PCDH7: variants seen among roughly 807,000 people sequenced by gnomAD.
The protein encoded by PCDH7 is protocadherin 7.
In PCDH7, 17 loss-of-function variants were observed where a neutral mutation model predicts 58.9. That is an observed-to-expected ratio of 0.29 (90% CI 0.20 to 0.43). The LOEUF (loss-of-function observed/expected upper bound fraction) is 0.43, where lower values mean the gene tolerates loss of function less well. Among genes scored for constraint, PCDH7 ranks in the 20% least tolerant of loss-of-function variants. PCDH7 has a pLI of 1.00. For synonymous variants in PCDH7, 664 were observed against 616.4 expected, an observed-to-expected ratio of 1.08 and a Z score of -1.14; for missense variants, 1,274 against 1,441.0, an observed-to-expected ratio of 0.88 and a Z score of 1.88.
intron 1 of PCDH7, among the ~76,000 whole-genome samples, chr4:30,756,057 G>C (rs1361373691): frequency 1.3e-5 from 2 of 152,066 alleles, no homozygotes; most frequent in African/African-American, 4.8e-5. Context: ...CCAGCCTGGT[G>C]ACAGAGTGAG....
chr4:30,882,217 ACTC>A (rs147271843), intron 1 of PCDH7, among the ~76,000 whole-genome samples: 33 of 115,472 alleles, frequency 2.9e-4, no homozygotes, highest in Admixed American at 9.8e-4. Context: ...CTTCCTTTTA[ACTC>A]CTCCTCCTCC....
intron 3 of PCDH7, among the ~76,000 whole-genome samples, chr4:31,075,192 C>A (rs1758885688): frequency 6.6e-6 from 1 of 152,022 alleles, no homozygotes; most frequent in South Asian, 2.1e-4. Context: ...TTTTGATTTA[C>A]TTATCTCTGT....
At chr4:31,015,564 A>T (rs147518504) in intron 3 of PCDH7, among the ~76,000 whole-genome samples, 61 of 152,268 alleles carry the variant, frequency 4.0e-4, no homozygotes, top group African/African-American at 1.4e-3. Flanking sequence ...GGCCCAGTAC[A>T]AATTCCAACT....
chr4:30,722,573 C>A lies in PCDH7; in HGVS notation c.1151C>A (p.Thr384Lys). 6.2e-7 allele frequency: 1 copy of A among 1,612,908 alleles called. No individual in the cohort carries two copies. Among genetic ancestry groups the A allele is most frequent in the Non-Finnish European group, 8.5e-7 (1 of 1,180,024 alleles). ...GAGGAGGTGAACCAGCTGCGCTTCA[C>A]GGTCATGGCCCGCGACCGCGGGCAG... Residue 384 changes from threonine to lysine, a missense_variant, in exon 1 of 2, where the codon ACG becomes AAG. This residue lies in a region of PCDH7 where 731 missense variants were observed against 881.9 expected (regional missense o/e 0.83). Transcript: ENST00000361762. This position sits in a 1 kb window ranked among gnomAD's most constrained non-coding sequence, Gnocchi z 7.6.
intron 3 of PCDH7, among the ~76,000 whole-genome samples, chr4:31,066,755 C>A (rs1333444722): frequency 6.6e-6 from 1 of 151,800 alleles, no homozygotes; most frequent in Non-Finnish European, 1.5e-5. Context: ...TGGAGAGTAC[C>A]ATCTGTGGTA....
At chr4:30,980,066 C>T (rs1294309713) in intron 3 of PCDH7, among the ~76,000 whole-genome samples, 2 of 152,084 alleles carry the variant, frequency 1.3e-5, no homozygotes, top group Non-Finnish European at 2.9e-5. Flanking sequence ...AGACTAGCAA[C>T]GTTAACAGTT....
intron 1 of PCDH7, among the ~76,000 whole-genome samples, chr4:30,785,738 T>C (rs1164912818): frequency 6.6e-6 from 1 of 152,070 alleles, no homozygotes; most frequent in African/African-American, 2.4e-5. Flanking sequence ...TAACTTTGAC[T>C]CTAGTGTGCT....
At chr4:31,074,465 A>G (rs1217604889) in intron 3 of PCDH7, among the ~76,000 whole-genome samples, 1 of 151,936 alleles carries the variant, frequency 6.6e-6, no homozygotes, top group African/African-American at 2.4e-5. Context: ...TCCCCTCTAC[A>G]TTATGCAAAG....
rs189760073 is a variant in PCDH7, at chr4:31,073,627, C to T, written c.*8-68846C>T. Among the ~76,000 whole-genome samples, 762 of 152,242 alleles carry T rather than the reference C, an allele frequency of 5.0e-3. 8 individuals are homozygous for T. Among genetic ancestry groups the T allele is most frequent in the African/African-American group, 0.017 (720 of 41,548 alleles). On this transcript the variant is annotated intron_variant, in intron 3 of 3. Transcript: ENST00000509759. ...ATAATATCAAAAGAAGCATATATGTCATATATAATAGTAGTTCCTCTGGCC... is the reference window on the plus strand; with the variant it reads ...ATAATATCAAAAGAAGCATATATGTTATATATAATAGTAGTTCCTCTGGCC...
chr4:30,721,473 C>T lies in PCDH7; in HGVS notation c.51C>T (p.Cys17=). The stretch of plus-strand genomic sequence containing the variant: ...GGGCGCGCGGCTGGTGCTTGGGCTG[C>T]TGCCTCCTCCTGCCGCTCTCGCTCA... The change falls in exon 1 of 2, where the codon TGC becomes TGT. Residue 17 remains cysteine (C), a synonymous_variant. Transcript: ENST00000361762. This position sits in a 1 kb window ranked among gnomAD's most constrained non-coding sequence, Gnocchi z 6.7. 6.3e-7 allele frequency: 1 copy of T among 1,579,282 alleles called. No homozygotes were observed. The highest frequency in any genetic ancestry group is 8.6e-7 in the Non-Finnish European group (1 of 1,168,416).
intron 1 of PCDH7, among the ~76,000 whole-genome samples, chr4:30,881,301 G>A (rs142580638): frequency 1.3e-5 from 2 of 151,900 alleles, no homozygotes; most frequent in Admixed American, 1.3e-4. Context: ...AGCTGAGATT[G>A]CATCGCTGTA....
At chr4:30,863,970 T>C (rs905326289) in intron 1 of PCDH7, among the ~76,000 whole-genome samples, 4 of 152,136 alleles carry the variant, frequency 2.6e-5, no homozygotes, top group Non-Finnish European at 5.9e-5. Context: ...TGATAGGTTA[T>C]TCACAAAATA....
chr4:30,843,311 C>T (rs1313647948), intron 1 of PCDH7, among the ~76,000 whole-genome samples: 2 of 152,086 alleles, frequency 1.3e-5, no homozygotes, highest in African/African-American at 4.8e-5. Flanking sequence ...AAGTGATTCT[C>T]CTGCCTCTGC....
In PCDH7 at chr4:30,721,750, C is replaced by G. The variant is rs773900246; in HGVS notation, c.328C>G (p.Leu110Val). The change falls in exon 1 of 2, where the codon CTG (leucine) becomes GTG (valine). Residue 110 changes from leucine to valine, a missense_variant. Physicochemically the swap from Leu to Val is conservative, Grantham distance 32. Coordinates refer to ENST00000361762, the Ensembl canonical transcript of PCDH7. The surrounding 1 kb of genome is among the most constrained non-coding windows in gnomAD (Gnocchi z 6.7). ...GATCTTCGACGAGAACGAGTGCTTC[C>G]TGGACTTCGAGGTGTCGGTGATCGG... The G allele has an allele frequency of 1.2e-6, 2 of 1,613,934 alleles. No homozygotes were observed. The highest frequency in any genetic ancestry group is 1.7e-5 in the Admixed American group (1 of 60,022).
chr4:30,724,792 A>C (rs1560302874), intron 1 of PCDH7, 196 bp downstream of exon 1: 1 of 1,408,228 alleles, frequency 7.1e-7, no homozygotes. Context: ...TTTGCAAATT[A>C]GAATTAAGGT....
chr4:30,734,159 A>G (rs756833930), downstream of PCDH7, among the ~76,000 whole-genome samples: 7 of 152,008 alleles, frequency 4.6e-5, no homozygotes, highest in Non-Finnish European at 8.8e-5. Flanking sequence ...TCTATCTGCA[A>G]CTTTGCAAAA....
intron 2 of PCDH7, among the ~76,000 whole-genome samples, chr4:30,942,784 C>T (rs1239049289): frequency 2.0e-5 from 3 of 151,818 alleles, no homozygotes; most frequent in African/African-American, 4.8e-5. Flanking sequence ...CATTAATTTA[C>T]TTATTACTAA....
chr4:30,902,540 G>T (rs1040478308), intron 1 of PCDH7, among the ~76,000 whole-genome samples: 9 of 152,044 alleles, frequency 5.9e-5, no homozygotes, highest in Non-Finnish European at 1.3e-4. Flanking sequence ...AGAAACACTG[G>T]TGAATCAAAC....
At chr4:30,828,573 A>AT (rs1222922729) in intron 1 of PCDH7, among the ~76,000 whole-genome samples, 61 of 152,084 alleles carry the variant, frequency 4.0e-4, no homozygotes, top group African/African-American at 1.4e-3. Context: ...CAAAAAAAAA[A>AT]GGTAATGAAA....
Sources: allele counts gnomAD v4.1 joint callset (sites outside exome capture counted in the v4.1 genomes callset), GRCh38; gene constraint gnomAD v4.1.1; regional missense constraint gnomAD v4.1.1; non-coding constraint Gnocchi (gnomAD v3.1); transcripts MANE v1.5; gene names NCBI Gene and HGNC (gene_info 2026-07-23, HGNC 2026-07-21).